The following SPIDR variants were observed in gnomAD, a reference collection of about 807,000 sequenced individuals.
SPIDR encodes scaffold protein involved in DNA repair, also known as DNA repair-scaffolding protein.
In SPIDR, 93 loss-of-function variants were observed where a neutral mutation model predicts 104.6. The observed-to-expected ratio is 0.89, with a 90% CI of 0.75 to 1.06. The LOEUF (loss-of-function observed/expected upper bound fraction) is 1.06, where lower values mean the gene tolerates loss of function less well. SPIDR is among the 50% of genes least tolerant of loss of function. SPIDR has a pLI of 0.00. For missense variants in SPIDR, 1,154 were observed against 1,111.2 expected (o/e 1.04, Z -0.55); for synonymous variants, 431 against 416.9 (o/e 1.03, Z -0.41).
intron 5 of SPIDR, among the ~76,000 whole-genome samples, chr8:47,348,864 C>T (rs1170397082): frequency 1.1e-4 from 17 of 152,216 alleles, no homozygotes; most frequent in East Asian, 7.7e-4. Flanking sequence ...CTTTTTTCAA[C>T]GTTTTTAGCT....
intron 8 of SPIDR, among the ~76,000 whole-genome samples, chr8:47,489,842 C>A (rs1012475194): frequency 2.4e-4 from 37 of 152,086 alleles, no homozygotes; most frequent in South Asian, 1.0e-3. Context: ...ACCTTATACA[C>A]CAATTAATTC....
chr8:47,529,958 A>G (rs2085665434), intron 8 of SPIDR, among the ~76,000 whole-genome samples: 1 of 152,206 alleles, frequency 6.6e-6, no homozygotes, highest in East Asian at 1.9e-4. Context: ...ACAATCATAT[A>G]TCACTTAATG....
At chr8:47,733,859 C>T (rs917424270) in intron 19 of SPIDR, among the ~76,000 whole-genome samples, 14 of 152,104 alleles carry the variant, frequency 9.2e-5, no homozygotes, top group African/African-American at 3.1e-4. Context: ...GTGACACCCA[C>T]TTCCCCCATC....
At position 47,642,997 on chromosome 8, in the gene SPIDR, T is replaced by C. The variant is rs115815000; in HGVS notation, c.1545-30804T>C. On this transcript the variant is annotated intron_variant, in intron 10 of 19. Transcript: ENST00000297423. The stretch of plus-strand genomic sequence containing the variant: ...AAATTATGAAGATCTTAATCATACA[T>C]ATGGATTCTAGCATATGGACTGTTA... Among the ~76,000 whole-genome samples the C allele has an allele frequency of 2.2e-3, 335 of 152,372 alleles. 1 individual carries two copies. Among genetic ancestry groups the C allele is most frequent in the African/African-American group, 7.4e-3 (306 of 41,582 alleles).
chr8:47,514,476 G>T (rs1489685355), intron 8 of SPIDR, among the ~76,000 whole-genome samples: 2 of 152,088 alleles, frequency 1.3e-5, no homozygotes, highest in Non-Finnish European at 2.9e-5. Flanking sequence ...CCACTGCAGG[G>T]GATGTGTCTA....
intron 5 of SPIDR, among the ~76,000 whole-genome samples, chr8:47,354,546 G>A (rs114462452): frequency 0.013 from 2,041 of 152,066 alleles, 55 homozygotes; most frequent in African/African-American, 0.046. Context: ...CTTACAAGAC[G>A]TTCAGATGCT....
intron 11 of SPIDR, among the ~76,000 whole-genome samples, chr8:47,698,809 C>T (rs1480583956): frequency 6.6e-6 from 1 of 152,188 alleles, no homozygotes; most frequent in Admixed American, 6.5e-5. Flanking sequence ...GCCTTTTACA[C>T]GGGGCTCTCT....
intron 12 of SPIDR, among the ~76,000 whole-genome samples, chr8:47,701,462 G>T (rs1032915557): frequency 1.3e-5 from 2 of 152,132 alleles, no homozygotes; most frequent in South Asian, 2.1e-4. Context: ...TTAAGAGGAA[G>T]TAATTTCTAG....
At chr8:47,308,367 GTT>G (rs797034732) in intron 5 of SPIDR, among the ~76,000 whole-genome samples, 5 of 132,580 alleles carry the variant, frequency 3.8e-5, no homozygotes, top group African/African-American at 1.1e-4. Flanking sequence ...CCGGCCTGCT[GTT>G]TTTTTTTTTT....
intron 11 of SPIDR, among the ~76,000 whole-genome samples, chr8:47,681,045 A>G (rs2077035121): frequency 6.6e-6 from 1 of 152,248 alleles, no homozygotes; most frequent in African/African-American, 2.4e-5. Context: ...CCTGGACGAA[A>G]GAGCAAGACT....
At chr8:47,315,644 TA>T (rs1424929774) in intron 5 of SPIDR, among the ~76,000 whole-genome samples, 1 of 152,186 alleles carries the variant, frequency 6.6e-6, no homozygotes, top group Non-Finnish European at 1.5e-5. Flanking sequence ...AGATTTACTC[TA>T]ATAATACAGT....
chr8:47,735,439 G>A lies in SPIDR; in HGVS notation c.2737G>A (p.Ala913Thr), dbSNP rs766927374. 2 of 1,614,232 alleles carry A rather than the reference G, an allele frequency of 1.2e-6. No homozygotes were observed. The highest frequency in any genetic ancestry group is 2.2e-5 in the East Asian group (1 of 44,886). ...IELLSAGGAS[A>T]EH ...GCTTCTGAGTGCAGGAGGGGCCTCT[G>A]CAGAACACTAGCGGTTGCCGCAGGA... Residue 913 changes from alanine to threonine, a missense_variant, in exon 20 of 20, where the codon GCA (alanine) becomes ACA (threonine). By Grantham distance (58) the Ala-to-Thr change is moderately conservative. Transcript: ENST00000297423.
chr8:47,609,040 TA>T (rs2063317968), intron 10 of SPIDR, among the ~76,000 whole-genome samples: 1 of 152,248 alleles, frequency 6.6e-6, no homozygotes, highest in Non-Finnish European at 1.5e-5. Context: ...CATCTTTTCA[TA>T]GGCTATTGGC....
rs1438667345 is a variant in SPIDR at position 47,284,215 on chromosome 8, T to TA, written c.256+127dup. ...GGTTTGGGTAGACTATATTCATAGT[T>TA]AAAAAACATCAAGATAAGGTAAAAA... On this transcript the variant is annotated intron_variant, in intron 3 of 19. Coordinates refer to ENST00000297423, the MANE Select transcript of SPIDR (RefSeq NM_001080394.4). 18 of 670,510 alleles carry TA rather than the reference T, an allele frequency of 2.7e-5. No homozygotes were observed. The Admixed American group carries it at 4.2e-4, about 16-fold the overall frequency. The allele number at this position is 670,510 out of a possible 1,614,324, so 41.5% of individuals were successfully genotyped here.
At chr8:47,569,198 A>G (rs184109763) in intron 8 of SPIDR, among the ~76,000 whole-genome samples, 1 of 152,340 alleles carries the variant, frequency 6.6e-6, no homozygotes, top group East Asian at 1.9e-4. Context: ...TATTAATTAA[A>G]AGGTTCAATA....
intron 5 of SPIDR, among the ~76,000 whole-genome samples, chr8:47,310,499 A>G (rs2043949634): frequency 1.3e-5 from 2 of 152,226 alleles, no homozygotes; most frequent in African/African-American, 4.8e-5. Flanking sequence ...TAAAAAAAGT[A>G]TGTGAAAGCA....
chr8:47,400,778 C>CTA (rs1376241907), intron 6 of SPIDR, among the ~76,000 whole-genome samples: 2 of 150,262 alleles, frequency 1.3e-5, no homozygotes, highest in Non-Finnish European at 2.9e-5. Context: ...AATAATAAAG[C>CTA]TATATATATC....
chr8:47,280,955 G>A (rs2037659499), intron 2 of SPIDR, among the ~76,000 whole-genome samples: 1 of 152,190 alleles, frequency 6.6e-6, no homozygotes, highest in African/African-American at 2.4e-5. Flanking sequence ...CTCTTCACAA[G>A]AAATGCATGT....
intron 8 of SPIDR, among the ~76,000 whole-genome samples, chr8:47,561,968 G>A (rs1450264127): frequency 5.9e-5 from 9 of 152,158 alleles, no homozygotes; most frequent in Non-Finnish European, 1.2e-4. Context: ...ACAAGTGTTC[G>A]GCTGTCTGCC....
Sources: allele counts gnomAD v4.1 joint callset (sites outside exome capture counted in the v4.1 genomes callset), GRCh38; gene constraint gnomAD v4.1.1; transcripts MANE v1.5; gene names NCBI Gene and HGNC (gene_info 2026-07-23, HGNC 2026-07-21).